ERN2: variants seen among roughly 807,000 people sequenced by gnomAD.
ERN2 encodes the protein serine/threonine-protein kinase/endoribonuclease IRE2.
ERN2 carries 111 observed loss-of-function variants against 107.9 expected under a neutral mutation model. The observed-to-expected ratio is 1.03, with a 90% confidence interval of 0.88 to 1.20. ERN2 has a LOEUF of 1.20. ERN2 is among the 50% of genes most tolerant of loss of function. The probability of loss-of-function intolerance (pLI) is 0.00; values close to 1 mark genes in which losing one functional copy is unlikely to be tolerated. For missense variants in ERN2, 1,225 were observed against 1,197.9 expected (o/e 1.02, Z -0.33); for synonymous variants, 524 against 501.7 (o/e 1.04, Z -0.59).
chr16:23,695,833 G>T, intron 14 of ERN2, 61 bp downstream of exon 14: 3 of 1,306,352 alleles, frequency 2.3e-6, no homozygotes, highest in African/African-American at 2.9e-5. Flanking sequence ...CTCTCCAGGG[G>T]ACAGTGCCCA....
chr16:23,695,420 G>T, intron 14 of ERN2, 31 bp from the exon 15 acceptor site: 1 of 1,554,512 alleles, frequency 6.4e-7, no homozygotes, highest in Admixed American at 1.9e-5. Flanking sequence ...GGGGCAGGGG[G>T]GCATTCAGGG....
At chr16:23,699,588 G>T (rs111697571) in intron 13 of ERN2, among the ~76,000 whole-genome samples, 1,688 of 152,042 alleles carry the variant, frequency 0.011, 31 homozygotes, top group African/African-American at 0.039. Context: ...CACGCCCGGC[G>T]AATTGTTTGT....
chr16:23,699,939 T>C (rs1959977120), intron 13 of ERN2, among the ~76,000 whole-genome samples: 1 of 152,110 alleles, frequency 6.6e-6, no homozygotes, highest in Non-Finnish European at 1.5e-5. Flanking sequence ...TTATTCCCAT[T>C]TGACAAATGA....
intron 8 of ERN2, among the ~76,000 whole-genome samples, chr16:23,703,285 CCTT>C (rs1280950183): frequency 6.6e-6 from 1 of 152,154 alleles, no homozygotes; most frequent in Non-Finnish European, 1.5e-5. Context: ...ACTTCTTCCT[CCTT>C]CTTCTCCCCC....
At chr16:23,694,033 T>C (rs1959704025) in intron 17 of ERN2, among the ~76,000 whole-genome samples, 1 of 152,222 alleles carries the variant, frequency 6.6e-6, no homozygotes, top group African/African-American at 2.4e-5. Flanking sequence ...AGTCTCACTC[T>C]GTTGTCCAGG....
At chr16:23,695,737 A>G (rs921753199) in intron 14 of ERN2, among the ~76,000 whole-genome samples, 157 bp downstream of exon 14, 1 of 151,084 alleles carries the variant, frequency 6.6e-6, no homozygotes, top group African/African-American at 2.4e-5. Context: ...AAAAAAAAAA[A>G]AAAAAAAAAA....
At chr16:23,692,422 G>C in intron 17 of ERN2, 91 bp from the exon 18 acceptor site, 1 of 1,439,424 alleles carries the variant, frequency 6.9e-7, no homozygotes, top group South Asian at 1.2e-5. Context: ...AGAGCTGCCA[G>C]GGGTTTGGCT....
chr16:23,690,600 G>A lies in ERN2; in HGVS notation c.*231C>T, dbSNP rs1440461508. 16 of 553,604 alleles carry A rather than the reference G, an allele frequency of 2.9e-5. No individual in the cohort carries two copies. Among genetic ancestry groups the A allele is most frequent in the African/African-American group, 5.7e-5 (3 of 53,012 alleles). 34.3% of individuals were successfully genotyped at this position (553,604 alleles called of 1,614,324 possible). On this transcript the variant is annotated 3_prime_UTR_variant, in exon 22 of 22. Transcript: ENST00000256797. ...CTCCCAAGCAGCTGGGACTACAGGC[G>A]TGCGCCACCATGCCTGGCTAATTTT...
At chr16:23,697,660 G>A (rs897133754) in intron 13 of ERN2, among the ~76,000 whole-genome samples, 1 of 152,184 alleles carries the variant, frequency 6.6e-6, no homozygotes, top group East Asian at 1.9e-4. Context: ...TATATGAGCT[G>A]GGGAGGCTCA....
chr16:23,706,271 A>C, intron 7 of ERN2, 59 bp downstream of exon 7: 1 of 1,218,834 alleles, frequency 8.2e-7, no homozygotes, highest in Non-Finnish European at 1.1e-6. Flanking sequence ...GATGCTGTTC[A>C]GGGTTCCCTG....
intron 17 of ERN2, among the ~76,000 whole-genome samples, chr16:23,694,397 T>C (rs951907095): frequency 6.6e-6 from 1 of 152,066 alleles, no homozygotes; most frequent in Admixed American, 6.6e-5. Flanking sequence ...ACAACTGGCA[T>C]TTTGTTAGTT....
chr16:23,697,605 G>A (rs992155074), intron 13 of ERN2, among the ~76,000 whole-genome samples: 12 of 152,142 alleles, frequency 7.9e-5, no homozygotes, highest in African/African-American at 2.2e-4. Flanking sequence ...AAGCACCCTC[G>A]AAGAGACAGG....
Position 23,706,140 on chromosome 16 carries a change from A to G in ERN2, c.589+190T>C, listed in dbSNP as rs1002301230. 40 of 544,072 alleles carry G rather than the reference A, an allele frequency of 7.4e-5. No individual in the cohort carries two copies. The African/African-American group carries it at 7.8e-4, about 11-fold the overall frequency. 33.7% of individuals were successfully genotyped at this position (544,072 alleles called of 1,614,324 possible). Reference sequence around the variant, plus strand: ...GAGGTTGAGGGATTGGCCAGGGTTCAGGAGGGTCAGTCTGGGTGTTGAGGG... The same window carrying G: ...GAGGTTGAGGGATTGGCCAGGGTTCGGGAGGGTCAGTCTGGGTGTTGAGGG... On this transcript the variant is annotated intron_variant, in intron 7 of 21. Coordinates refer to ENST00000256797, the MANE Select transcript of ERN2 (RefSeq NM_033266.4).
At chr16:23,711,942 G>A in intron 1 of ERN2, 1 of 321,032 alleles carries the variant, frequency 3.1e-6, no homozygotes, top group Admixed American at 3.3e-5. Context: ...GGTGCCCTTG[G>A]GAGGGGGGCT....
chr16:23,701,443 C>T (rs1177583390), intron 11 of ERN2, among the ~76,000 whole-genome samples: 4 of 152,134 alleles, frequency 2.6e-5, no homozygotes, highest in African/African-American at 4.8e-5. Context: ...GATGAGCAAC[C>T]GGATTTGAGA....
Position 23,701,017 on chromosome 16 carries a change from A to G in ERN2, c.1301T>C (p.Leu434Pro), listed in dbSNP as rs1431745148. ...GAGGACAGCAGTGAGGCTAGCTGCC[A>G]GCAGGTCTTGGGGTCCCAGCCCCAA... ...SYLGLGPQDL[L>P]AASLTAVLLG... Residue 434 changes from leucine (L) to proline (P), a missense_variant, in exon 12 of 22, where the codon CTG becomes CCG. Coordinates refer to ENST00000256797, the MANE Select transcript of ERN2 (RefSeq NM_033266.4). 2 of 1,614,200 alleles carry G rather than the reference A, an allele frequency of 1.2e-6. No individual in the cohort carries two copies. Among genetic ancestry groups the G allele is most frequent in the Non-Finnish European group, 1.7e-6 (2 of 1,180,026 alleles).
In ERN2 at chr16:23,710,954, A is replaced by G; in HGVS notation, c.158T>C (p.Leu53Pro). Residue 53 changes from leucine to proline, a missense_variant, in exon 2 of 22, where the codon CTA becomes CCA. Leu to Pro is a moderately conservative substitution (Grantham distance 98). Coordinates refer to ENST00000256797, the MANE Select transcript of ERN2 (RefSeq NM_033266.4). ...CTTCAGGTCCCCTGTCTGCTTGCTTAGTGCGTGGAGACTTCCATCCAAGGT... is the reference window on the plus strand; with the variant it reads ...CTTCAGGTCCCCTGTCTGCTTGCTTGGTGCGTGGAGACTTCCATCCAAGGT... ...VSTLDGSLHA[L>P]SKQTGDLKWT... 1 of 1,614,094 alleles carries G rather than the reference A, an allele frequency of 6.2e-7. No individual in the cohort carries two copies. The highest frequency in any genetic ancestry group is 1.1e-5 in the South Asian group (1 of 91,078).
At chr16:23,700,829 T>TG in intron 12 of ERN2, 125 bp from the exon 13 acceptor site, 1 of 1,460,404 alleles carries the variant, frequency 6.8e-7, no homozygotes, top group Non-Finnish European at 9.3e-7. Flanking sequence ...CGCAGGGGCC[T>TG]GGGGAGCTGC....
rs139665330 is a variant in ERN2 at position 23,710,531 on chromosome 16, G to C, written c.218C>G (p.Pro73Arg). 6 of 1,614,142 alleles carry C rather than the reference G, an allele frequency of 3.7e-6. No individual in the cohort carries two copies. Among genetic ancestry groups the C allele is most frequent in the Non-Finnish European group, 4.2e-6 (5 of 1,180,022 alleles). ...GTTCACTTACTCTGTGACGTACATT[G>C]GTCCTTCGATGACGGGATCTGCAGG... ...TLRDDPVIEG[P>R]MYVTEMAFLS... Residue 73 changes from proline (P) to arginine (R), a missense_variant, in exon 3 of 22, where the codon CCA becomes CGA. Pro to Arg is a moderately radical substitution (Grantham distance 103). Coordinates refer to ENST00000256797, the MANE Select transcript of ERN2 (RefSeq NM_033266.4).
Sources: allele counts gnomAD v4.1 joint callset (sites outside exome capture counted in the v4.1 genomes callset), GRCh38; gene constraint gnomAD v4.1.1; transcripts MANE v1.5; gene names NCBI Gene and HGNC (gene_info 2026-07-23, HGNC 2026-07-21).